Variants in DMXL2 observed in about 807,000 individuals in gnomAD.
The protein encoded by DMXL2 is Dmx like 2, also known as dmX-like protein 2.
A neutral mutation model predicts 331.1 loss-of-function variants in DMXL2; 103 were observed. The observed-to-expected ratio is 0.31, with a 90% CI of 0.27 to 0.37. The LOEUF (loss-of-function observed/expected upper bound fraction) is 0.37, where lower values mean the gene tolerates loss of function less well. Among genes scored for constraint, DMXL2 ranks in the 10% least tolerant of loss-of-function variants. The probability of loss-of-function intolerance (pLI) is 1.00; values close to 1 mark genes in which losing one functional copy is unlikely to be tolerated. For synonymous variants in DMXL2, 1,281 were observed against 1,252.1 expected, an observed-to-expected ratio of 1.02 and a Z score of -0.49; for missense variants, 3,171 against 3,642.9, an observed-to-expected ratio of 0.87 and a Z score of 3.33.
chr15:51,603,452 G>A (rs533058378), intron 1 of DMXL2, among the ~76,000 whole-genome samples: 1 of 152,102 alleles, frequency 6.6e-6, no homozygotes, highest in East Asian at 1.9e-4. Context: ...TAAATTAAAC[G>A]TATAGTTAAA....
chr15:51,569,348 C>T (rs1388746337), intron 2 of DMXL2, among the ~76,000 whole-genome samples: 1 of 152,170 alleles, frequency 6.6e-6, no homozygotes, highest in African/African-American at 2.4e-5. Flanking sequence ...GTGGAGCCCA[C>T]CACAGCTCCC....
chr15:51,550,624 A>C (rs1015722667), intron 6 of DMXL2, among the ~76,000 whole-genome samples: 1 of 151,146 alleles, frequency 6.6e-6, no homozygotes, highest in Non-Finnish European at 1.5e-5. Context: ...TTTTGAAGAA[A>C]ACAGGATACT....
intron 1 of DMXL2, among the ~76,000 whole-genome samples, chr15:51,582,344 T>C (rs1171341759): frequency 1.3e-5 from 2 of 152,222 alleles, no homozygotes; most frequent in Non-Finnish European, 2.9e-5. Flanking sequence ...CATTTTTCTA[T>C]CGTTTCGTTT....
Position 51,449,181 on chromosome 15 carries a change from T to C in DMXL2, c.8980A>G (p.Thr2994Ala). The stretch of plus-strand genomic sequence containing the variant: ...AATGAATGAATTAGGCCATGGCCTG[T>C]CAATCTCCAAACCTAGTGCAAAACA... ...AEGNIKVWRL[T>A]GHGLIHSFKS... The change falls in exon 44 of 44, where the codon ACA becomes GCA. Residue 2994 changes from threonine to alanine, a missense_variant. Coordinates refer to ENST00000560891, the MANE Select transcript of DMXL2 (RefSeq NM_001378457.1). 1.2e-6 allele frequency: 2 copies of C among 1,614,048 alleles called. No individual in the cohort carries two copies. Among genetic ancestry groups the C allele is most frequent in the South Asian group, 2.2e-5 (2 of 91,084 alleles).
chr15:51,523,499 C>G (rs1217023115), intron 13 of DMXL2, among the ~76,000 whole-genome samples: 1 of 152,176 alleles, frequency 6.6e-6, no homozygotes, highest in Non-Finnish European at 1.5e-5. Context: ...TTCATGTCCA[C>G]CCAGCATCTC....
chr15:51,545,931 A>G (rs1784815779), intron 7 of DMXL2, among the ~76,000 whole-genome samples, 165 bp from the exon 8 acceptor site: 1 of 152,306 alleles, frequency 6.6e-6, no homozygotes, highest in South Asian at 2.1e-4. Context: ...TGTGAACATC[A>G]TAAGAACCGG....
At chr15:51,570,169 T>G (rs1567132272) in intron 2 of DMXL2, among the ~76,000 whole-genome samples, 1 of 151,858 alleles carries the variant, frequency 6.6e-6, no homozygotes, top group Non-Finnish European at 1.5e-5. Flanking sequence ...ATAGCCGAAC[T>G]GATCAAGCAG....
chr15:51,524,854 C>T (rs2047580017), intron 13 of DMXL2, among the ~76,000 whole-genome samples: 1 of 151,990 alleles, frequency 6.6e-6, no homozygotes, highest in African/African-American at 2.4e-5. Flanking sequence ...AGTCCTAGGG[C>T]TGAACTGGGC....
chr15:51,464,986 A>G, intron 31 of DMXL2, 110 bp from the exon 32 acceptor site: 1 of 985,168 alleles, frequency 1.0e-6, no homozygotes, highest in Non-Finnish European at 1.5e-6. Flanking sequence ...ATACAAATAA[A>G]TCTGCAAATG....
At chr15:51,470,217 C>T (rs1280241607) in intron 29 of DMXL2, among the ~76,000 whole-genome samples, 1 of 152,096 alleles carries the variant, frequency 6.6e-6, no homozygotes, top group Non-Finnish European at 1.5e-5. Context: ...CTCACTGCCA[C>T]GCTGACCTCC....
chr15:51,513,892 G>A (rs1282443620), intron 15 of DMXL2, among the ~76,000 whole-genome samples: 3 of 152,054 alleles, frequency 2.0e-5, no homozygotes, highest in African/African-American at 7.2e-5. Context: ...AAGTTATAAA[G>A]TTTAAACTAA....
At chr15:51,538,718 G>A (rs2140893300) in intron 9 of DMXL2, among the ~76,000 whole-genome samples, 1 of 152,208 alleles carries the variant, frequency 6.6e-6, no homozygotes, top group Admixed American at 6.5e-5. Context: ...GACAGGGGAT[G>A]AAAAATTAAA....
Position 51,453,531 on chromosome 15 carries a change from T to A in DMXL2, c.8696+19A>T. ...TCTAACGTTTTTATATTTCTTACTT[T>A]GCTTTTCTGTCAACCTACCTATTGT... On this transcript the variant is annotated intron_variant, in intron 41 of 43. Transcript: ENST00000560891. 6.4e-7 allele frequency: 1 copy of A among 1,564,256 alleles called. No homozygotes were observed. The highest frequency in any genetic ancestry group is 8.7e-7 in the Non-Finnish European group (1 of 1,149,478).
chr15:51,614,907 G>A (rs2054197968), intron 1 of DMXL2, among the ~76,000 whole-genome samples: 1 of 152,190 alleles, frequency 6.6e-6, no homozygotes, highest in African/African-American at 2.4e-5. Flanking sequence ...GCTAGAGTCA[G>A]AAAAGGCAGG....
chr15:51,507,887 C>T (rs767683707), intron 15 of DMXL2, among the ~76,000 whole-genome samples: 71 of 150,878 alleles, frequency 4.7e-4, no homozygotes, highest in Non-Finnish European at 8.7e-4. Flanking sequence ...AAATTTCATG[C>T]ATTTTTTAAA....
At chr15:51,615,118 G>A (rs1466932172) in intron 1 of DMXL2, among the ~76,000 whole-genome samples, 2 of 152,190 alleles carry the variant, frequency 1.3e-5, no homozygotes, top group Non-Finnish European at 2.9e-5. Context: ...GAAAAGTGGA[G>A]TTGCTATTTA....
chr15:51,564,967 CA>C, intron 4 of DMXL2, 120 bp downstream of exon 4: 1 of 598,716 alleles, frequency 1.7e-6, no homozygotes, highest in Non-Finnish European at 2.6e-6. Flanking sequence ...TTATATTCAT[CA>C]ACAAAAAGAA....
chr15:51,581,575 G>C (rs1316309529), intron 1 of DMXL2, among the ~76,000 whole-genome samples: 2 of 152,112 alleles, frequency 1.3e-5, no homozygotes, highest in African/African-American at 4.8e-5. Context: ...TCTAACTTTA[G>C]TTTTATATAT....
Position 51,507,115 on chromosome 15 carries a change from TA to T in DMXL2, c.2764+18del. 1 of 1,565,066 alleles carries T rather than the reference TA, an allele frequency of 6.4e-7. No homozygotes were observed. The highest frequency in any genetic ancestry group is 8.7e-7 in the Non-Finnish European group (1 of 1,153,132). On this transcript the variant is annotated intron_variant, in intron 16 of 43. Coordinates refer to ENST00000560891, the MANE Select transcript of DMXL2 (RefSeq NM_001378457.1). ...AAATTTGTTATGTATCATCTCTGTA[TA>T]AAACTATAATTACTTACCTAAACAT... is the stretch of plus-strand genomic sequence containing the variant.
Sources: gnomAD v4.1 joint callset for allele counts (sites outside exome capture counted in the v4.1 genomes callset) on GRCh38, gnomAD v4.1.1 for gene constraint, MANE v1.5 for transcripts, NCBI Gene and HGNC (gene_info 2026-07-23, HGNC 2026-07-21) for gene names.